TENM2: variants seen among roughly 807,000 people sequenced by gnomAD.
TENM2 encodes the protein teneurin transmembrane protein 2.
Under a neutral mutation model 245.2 loss-of-function variants are expected in TENM2, and 52 were observed. The ratio of observed to expected loss-of-function variants is 0.21; its 90% CI spans 0.17 to 0.27. The LOEUF is 0.27. TENM2 is among the 10% of genes least tolerant of loss of function. The pLI is 1.00. For missense variants in TENM2, 3,046 were observed against 3,666.8 expected, an observed-to-expected ratio of 0.83 and a Z score of 4.37; for synonymous variants, 1,363 against 1,438.9, an observed-to-expected ratio of 0.95 and a Z score of 1.19.
chr5:167,411,624 G>C (rs1762918307), intron 2 of TENM2, among the ~76,000 whole-genome samples: 1 of 151,150 alleles, frequency 6.6e-6, no homozygotes, highest in Non-Finnish European at 1.5e-5. Context: ...ATGTGAGAGA[G>C]AGAGAGATAA....
the TENM2 span, among the ~76,000 whole-genome samples, chr5:167,234,349 T>A: frequency 0.21 from 31,677 of 151,846 alleles, 3,870 homozygotes; most frequent in African/African-American, 0.34. Context: ...GAAGAACTTC[T>A]TTATGGTAAC....
At chr5:167,151,609 C>A in the TENM2 span, among the ~76,000 whole-genome samples, 1 of 152,132 alleles carries the variant, frequency 6.6e-6, no homozygotes, top group Non-Finnish European at 1.5e-5. Flanking sequence ...AGTTCCACCT[C>A]CCGGGTTCAT....
At chr5:168,112,075 T>C (rs1794707525) in intron 9 of TENM2, among the ~76,000 whole-genome samples, 1 of 152,224 alleles carries the variant, frequency 6.6e-6, no homozygotes, top group African/African-American at 2.4e-5. Context: ...ATTAATTCTT[T>C]ATAATCAAAT....
chr5:167,307,319 G>T lies in TENM2; in HGVS notation c.226+22256G>T, dbSNP rs149654391. On this transcript the variant is annotated intron_variant, in intron 1 of 28. Coordinates refer to ENST00000518659, the Ensembl canonical transcript of TENM2. Reference sequence around the variant, plus strand: ...TGTTTATCTCTAATGTGTGTGGCCAGTGTCACTCCCATCTCTGATGTCTGT... The same window carrying T: ...TGTTTATCTCTAATGTGTGTGGCCATTGTCACTCCCATCTCTGATGTCTGT... Among the ~76,000 whole-genome samples, 731 of 152,284 alleles carry T rather than the reference G, an allele frequency of 4.8e-3. 10 individuals are homozygous for T. The highest frequency in any genetic ancestry group is 0.022 in the Admixed American group (344 of 15,292).
intron 2 of TENM2, among the ~76,000 whole-genome samples, chr5:167,650,536 T>A (rs1754386939): frequency 5.9e-5 from 9 of 152,180 alleles, no homozygotes; most frequent in African/African-American, 1.9e-4. Flanking sequence ...CAGTTGATTT[T>A]ATTTGTAATA....
chr5:167,622,776 G>A (rs1778258108), intron 2 of TENM2, among the ~76,000 whole-genome samples: 1 of 152,152 alleles, frequency 6.6e-6, no homozygotes, highest in African/African-American at 2.4e-5. Context: ...ATTTTGCTGT[G>A]TGCATATTGG....
intron 3 of TENM2, among the ~76,000 whole-genome samples, chr5:167,881,666 G>C (rs1773890530): frequency 6.6e-6 from 1 of 152,122 alleles, no homozygotes. Context: ...GCTACCTGCG[G>C]CTCCTTCCTG....
chr5:167,339,192 C>T (rs1442421773), intron 1 of TENM2, among the ~76,000 whole-genome samples: 1 of 152,192 alleles, frequency 6.6e-6, no homozygotes, highest in Non-Finnish European at 1.5e-5. Context: ...ATGAATGAGA[C>T]TCAATGCATC....
chr5:167,697,935 A>C (rs1757875981), intron 2 of TENM2, among the ~76,000 whole-genome samples: 2 of 152,224 alleles, frequency 1.3e-5, no homozygotes, highest in Admixed American at 1.3e-4. Flanking sequence ...AAAATAAGTC[A>C]TCGGGAACTT....
At chr5:167,342,507 C>CTTTTTTTTTTTTTTTTTTTTTTT (rs35451881) in intron 1 of TENM2, among the ~76,000 whole-genome samples, 1 of 54,278 alleles carries the variant, frequency 1.8e-5, no homozygotes, top group Non-Finnish European at 3.2e-5. Flanking sequence ...TAAAGTTATT[C>CTTTTTTTTTTTTTTTTTTTTTTT]TTTTTTTTTT....
intron 2 of TENM2, among the ~76,000 whole-genome samples, chr5:167,397,465 G>A (rs188651877): frequency 1.3e-5 from 2 of 152,170 alleles, no homozygotes; most frequent in African/African-American, 4.8e-5. Context: ...ATATGGACCC[G>A]TGATTGATAG....
chr5:168,090,772 A>G lies in TENM2; in HGVS notation c.1711+3A>G. On this transcript the variant is annotated splice_donor_region_variant and intron_variant, in intron 8 of 28. Coordinates refer to ENST00000518659, the Ensembl canonical transcript of TENM2. ...TTCCTTCAATACTGTTGTCCTAGGT[A>G]GGTGTGGGGTCTCTGAGATGGTACG... 6.2e-7 allele frequency: 1 copy of G among 1,612,616 alleles called. No individual in the cohort carries two copies. The highest frequency in any genetic ancestry group is 8.5e-7 in the Non-Finnish European group (1 of 1,178,828).
intron 1 of TENM2, among the ~76,000 whole-genome samples, chr5:167,353,177 A>C (rs1005877118): frequency 1.8e-4 from 28 of 152,178 alleles, no homozygotes; most frequent in Non-Finnish European, 2.9e-4. Context: ...TCATCAGCGC[A>C]TGCCATGCAA....
intron 1 of TENM2, among the ~76,000 whole-genome samples, chr5:167,326,018 A>T (rs1757053671): frequency 6.6e-6 from 1 of 152,186 alleles, no homozygotes; most frequent in Admixed American, 6.5e-5. Context: ...TGGAAAGGGG[A>T]CATTTGAATT....
intron 2 of TENM2, among the ~76,000 whole-genome samples, chr5:167,506,116 G>T (rs1040268441): frequency 2.0e-5 from 3 of 152,148 alleles, no homozygotes; most frequent in African/African-American, 7.2e-5. Context: ...AGAAACAACA[G>T]CATGGCAGTG....
chr5:168,181,669 C>CTT lies in TENM2; in HGVS notation c.2570-8644_2570-8643dup, dbSNP rs36042366. On this transcript the variant is annotated intron_variant, in intron 13 of 28. Transcript: ENST00000518659. The stretch of plus-strand genomic sequence containing the variant: ...AAGGAGTGCAAATACAGTTTTACTT[C>CTT]TTTTTTTTTTTTTTTTTTTTTTTTT... Among the ~76,000 whole-genome samples, 532 of 78,754 alleles carry CTT rather than the reference C, an allele frequency of 6.8e-3. 6 individuals carry two copies. The highest frequency in any genetic ancestry group is 0.011 in the African/African-American group (227 of 19,928). The allele number at this position is 78,754 out of a possible 152,430, so 51.7% of individuals were successfully genotyped here.
intron 28 of TENM2, among the ~76,000 whole-genome samples, chr5:168,261,804 G>A (rs1768211425): frequency 1.3e-5 from 2 of 152,218 alleles, no homozygotes; most frequent in East Asian, 3.9e-4. Flanking sequence ...TTAGTTAGTG[G>A]CAATTGCAAG....
chr5:167,572,870 C>T (rs1300749234), intron 2 of TENM2, among the ~76,000 whole-genome samples: 11 of 152,220 alleles, frequency 7.2e-5, no homozygotes, highest in Admixed American at 7.2e-4. Context: ...CGAAAGCAAT[C>T]CTGTTGTCAC....
At chr5:167,641,087 C>T (rs1343726430) in intron 2 of TENM2, among the ~76,000 whole-genome samples, 2 of 150,934 alleles carry the variant, frequency 1.3e-5, no homozygotes, top group Non-Finnish European at 1.5e-5. Context: ...CTGATGCCCA[C>T]TCAAGTTTGA....
Sources: allele counts gnomAD v4.1 joint callset (sites outside exome capture counted in the v4.1 genomes callset), GRCh38; gene constraint gnomAD v4.1.1; transcripts MANE v1.5; gene names NCBI Gene and HGNC (gene_info 2026-07-23, HGNC 2026-07-21).